MARK4: variants seen among roughly 807,000 people sequenced by gnomAD.
MARK4 encodes microtubule affinity regulating kinase 4.
A neutral mutation model predicts 81.5 loss-of-function variants in MARK4; 19 were observed. That is an observed-to-expected ratio of 0.23 (90% confidence interval 0.16 to 0.34). The LOEUF is 0.34. MARK4 is among the 10% of genes least tolerant of loss of function. The pLI is 1.00. For synonymous variants in MARK4, 436 were observed against 439.0 expected (o/e 0.99, Z 0.08); for missense variants, 772 against 1,058.8 (o/e 0.73, Z 3.76).
In MARK4 at chr19:45,297,733, A is replaced by C. The variant is rs1241001422; in HGVS notation, c.1656A>C (p.Pro552=). The C allele has an allele frequency of 6.4e-7, 1 of 1,568,390 alleles. No homozygotes were observed. The highest frequency in any genetic ancestry group is 2.2e-5 in the East Asian group (1 of 44,456). ...ASPSSHSLAP[P]SGERSRLARG... ...CCTCCAGTCACAGCCTGGCACCCCC[A>C]TCAGGGGAGCGGAGCCGCCTGGCAC... Residue 552 remains proline, a synonymous_variant, in exon 15 of 17, where the codon CCA becomes CCC. Coordinates refer to ENST00000262891, the MANE Select transcript of MARK4 (RefSeq NM_001199867.2).
At chr19:45,287,726 C>T (rs1970764505) in intron 13 of MARK4, 62 bp downstream of exon 13, 1 of 1,530,980 alleles carries the variant, frequency 6.5e-7, no homozygotes, top group East Asian at 2.4e-5. Context: ...TCCTCAGGCC[C>T]TGCCTTCATC....
intron 13 of MARK4, chr19:45,287,869 T>TA (rs2123091210): frequency 1.6e-6 from 1 of 638,418 alleles, no homozygotes; most frequent in East Asian, 2.8e-5. Flanking sequence ...GCGTATAAAT[T>TA]AGTGTTCTGT....
chr19:45,280,571 G>T lies in MARK4; in HGVS notation c.1117-4G>T. 6.2e-7 allele frequency: 1 copy of T among 1,613,788 alleles called. No individual in the cohort carries two copies. The highest frequency in any genetic ancestry group is 1.3e-5 in the African/African-American group (1 of 75,032). On this transcript the variant is annotated splice_polypyrimidine_tract_variant and splice_region_variant and intron_variant, in intron 11 of 16. Transcript: ENST00000262891. ...GAAGAGCCTCATCTGTCATCCTCTC[G>T]CAGGAGGGTGGGGACCGGGGCGCCC...
At position 45,266,328 on chromosome 19, in the gene MARK4, C is replaced by T. The variant is rs756717823; in HGVS notation, c.549+47C>T. The stretch of plus-strand genomic sequence containing the variant: ...ATCTCAGGGACCACGGCTCAGCCCA[C>T]AGACTTCTCCCTGCCCCCACCCCTC... On this transcript the variant is annotated intron_variant, in intron 7 of 16. Coordinates refer to ENST00000262891, the MANE Select transcript of MARK4 (RefSeq NM_001199867.2). 5.0e-6 allele frequency: 8 copies of T among 1,584,576 alleles called. No homozygotes were observed. The South Asian group carries it at 7.7e-5, about 15-fold the overall frequency.
At chr19:45,256,730 A>G (rs1043490993) in intron 1 of MARK4, among the ~76,000 whole-genome samples, 8 of 152,178 alleles carry the variant, frequency 5.3e-5, no homozygotes, top group African/African-American at 1.9e-4. Context: ...GGACAGGCAT[A>G]TCCTGCTTTT....
intron 12 of MARK4, among the ~76,000 whole-genome samples, chr19:45,281,639 G>A (rs982396132): frequency 2.6e-5 from 4 of 152,136 alleles, no homozygotes; most frequent in Admixed American, 6.5e-5. Flanking sequence ...GATTACAGGT[G>A]TGAGCCACTG....
chr19:45,261,558 A>T (rs1158935086), intron 2 of MARK4, among the ~76,000 whole-genome samples: 1 of 152,246 alleles, frequency 6.6e-6, no homozygotes, highest in Non-Finnish European at 1.5e-5. Flanking sequence ...CATGAAGAAC[A>T]CATGGTTCCC....
rs1239646996 is a variant in MARK4, at chr19:45,302,359, ATCT to A, written c.1923-11_1923-9del. On this transcript the variant is annotated splice_polypyrimidine_tract_variant and intron_variant, in intron 16 of 16. Coordinates refer to ENST00000262891, the MANE Select transcript of MARK4 (RefSeq NM_001199867.2). The surrounding 1 kb of genome is among the most constrained non-coding windows in gnomAD (Gnocchi z 4.9). The stretch of plus-strand genomic sequence containing the variant: ...TTCGCTCCCATCTCTGACCCCTGAC[ATCT>A]TCTCGCCTCAGTTGCCATCTACCTT... 4 of 1,614,056 alleles carry A rather than the reference ATCT, an allele frequency of 2.5e-6. No homozygotes were observed. The highest frequency in any genetic ancestry group is 1.7e-5 in the Admixed American group (1 of 60,020).
At chr19:45,299,997 C>A in intron 16 of MARK4, 142 bp downstream of exon 16, 2 of 636,456 alleles carry the variant, frequency 3.1e-6, no homozygotes, top group Non-Finnish European at 2.5e-6. Context: ...CCCCAGCCTT[C>A]TCTGCCAGCT....
intron 10 of MARK4, among the ~76,000 whole-genome samples, chr19:45,278,979 GA>G (rs1408661938): frequency 1.3e-5 from 2 of 152,172 alleles, no homozygotes; most frequent in Non-Finnish European, 2.9e-5. Flanking sequence ...AGCACTTTGG[GA>G]GGTCGAGGTA....
At chr19:45,259,337 CTG>C in intron 2 of MARK4, 148 bp downstream of exon 2, 1 of 841,088 alleles carries the variant, frequency 1.2e-6, no homozygotes, top group Non-Finnish European at 1.8e-6. Context: ...CACAATATCT[CTG>C]ATGTTCCCAG....
intron 1 of MARK4, among the ~76,000 whole-genome samples, chr19:45,258,493 G>A (rs6509203): frequency 0.44 from 66,531 of 151,718 alleles, 15,921 homozygotes; most frequent in Non-Finnish European, 0.55. Context: ...CTGAGTCAGG[G>A]GTTTGAGACC....
At chr19:45,266,489 G>T (rs879898008) in intron 7 of MARK4, among the ~76,000 whole-genome samples, 9 of 152,042 alleles carry the variant, frequency 5.9e-5, no homozygotes, top group African/African-American at 9.7e-5. Flanking sequence ...GAGCGGATGG[G>T]GGGGAGGGGA....
At chr19:45,291,510 C>T (rs947613178) in intron 13 of MARK4, among the ~76,000 whole-genome samples, 3 of 152,188 alleles carry the variant, frequency 2.0e-5, no homozygotes, top group South Asian at 2.1e-4. Context: ...GGGCCAGGCG[C>T]GGTGGCTTAC....
chr19:45,292,245 C>T (rs1489626902), intron 13 of MARK4, among the ~76,000 whole-genome samples: 3 of 151,890 alleles, frequency 2.0e-5, no homozygotes, highest in South Asian at 2.1e-4. Context: ...CGAGACCAGC[C>T]TGGGCAACAT....
chr19:45,302,429 T>G lies in MARK4; in HGVS notation c.1978T>G (p.Trp660Gly). The change falls in exon 17 of 17, where the codon TGG (tryptophan) becomes GGG (glycine). Residue 660 changes from tryptophan to glycine, a missense_variant. Around this residue, in one of 3 missense-constraint regions of MARK4, gnomAD observed 548 missense variants for 624.3 expected, o/e 0.88. Transcript: ENST00000262891. This position sits in a 1 kb window ranked among gnomAD's most constrained non-coding sequence, Gnocchi z 4.9. ...CGCCCCCCGGCTGCTCCGATTCCCC[T>G]GGAGTGTGAAGCTGACCAGCTCGCG... ...ETAPRLLRFP[W>G]SVKLTSSRPP... is the part of the protein sequence containing the mutation. 1 of 1,614,076 alleles carries G rather than the reference T, an allele frequency of 6.2e-7. No homozygotes were observed. Among genetic ancestry groups the G allele is most frequent in the African/African-American group, 1.3e-5 (1 of 75,062 alleles).
At chr19:45,287,398 T>C in intron 12 of MARK4, 49 bp from the exon 13 acceptor site, 3 of 1,297,330 alleles carry the variant, frequency 2.3e-6, no homozygotes, top group Non-Finnish European at 3.1e-6. Flanking sequence ...CAGAGTCAGT[T>C]CTGGGTTTCC....
chr19:45,266,730 CT>C (rs35618045), intron 7 of MARK4, among the ~76,000 whole-genome samples: 335 of 124,252 alleles, frequency 2.7e-3, no homozygotes, highest in African/African-American at 5.7e-3. Flanking sequence ...AATCTGAGAA[CT>C]TTTTTTTTTT....
intron 1 of MARK4, among the ~76,000 whole-genome samples, chr19:45,257,524 C>T (rs989686520): frequency 9.9e-5 from 15 of 151,006 alleles, no homozygotes; most frequent in Non-Finnish European, 7.4e-5. Flanking sequence ...GCTGGGATTA[C>T]AGGTGCGCGT....
Sources: gnomAD v4.1 joint callset for allele counts (sites outside exome capture counted in the v4.1 genomes callset) on GRCh38, gnomAD v4.1.1 for gene constraint, gnomAD v4.1.1 regional missense constraint, Gnocchi (gnomAD v3.1) non-coding constraint, MANE v1.5 for transcripts, NCBI Gene and HGNC (gene_info 2026-07-23, HGNC 2026-07-21) for gene names.